SGSM2: variants seen among roughly 807,000 people sequenced by gnomAD.
SGSM2 encodes small G protein signaling modulator 2.
A neutral mutation model predicts 126.6 loss-of-function variants in SGSM2; 89 were observed. The observed-to-expected ratio is 0.70, with a 90% CI of 0.59 to 0.84. SGSM2 has a LOEUF of 0.84. Among genes scored for constraint, SGSM2 ranks in the 40% least tolerant of loss-of-function variants. SGSM2 has a pLI of 0.00. For missense variants in SGSM2, 1,404 were observed against 1,416.6 expected (o/e 0.99, Z 0.14); for synonymous variants, 614 against 574.3 (o/e 1.07, Z -0.99).
At chr17:2,345,209 T>A (rs1476927811) in intron 2 of SGSM2, among the ~76,000 whole-genome samples, 1 of 152,084 alleles carries the variant, frequency 6.6e-6, no homozygotes, top group African/African-American at 2.4e-5. Flanking sequence ...ACGCCTGTAA[T>A]CCCAGCACTT....
rs1464509984 is a variant in SGSM2, at chr17:2,379,792, TCTGGGAGTAGCCCCA to T, written c.*276_*290del. Reference sequence around the variant, plus strand: ...ACCTACTCTGCTCCCCTCTCACACATCTGGGAGTAGCCCCACTGCCACCTGCAGCCGCAGCCTGGA... The same window carrying T: ...ACCTACTCTGCTCCCCTCTCACACATCTGCCACCTGCAGCCGCAGCCTGGA... On this transcript the variant is annotated 3_prime_UTR_variant, in exon 24 of 24. Transcript: ENST00000268989. The T allele has an allele frequency of 1.5e-6, 2 of 1,347,464 alleles. No individual in the cohort carries two copies. The highest frequency in any genetic ancestry group is 1.9e-6 in the Non-Finnish European group (2 of 1,045,840). 83.5% of individuals were successfully genotyped at this position (1,347,464 alleles called of 1,614,324 possible).
intron 2 of SGSM2, among the ~76,000 whole-genome samples, chr17:2,360,792 G>A (rs895302136): frequency 5.9e-5 from 9 of 152,236 alleles, no homozygotes; most frequent in Admixed American, 3.3e-4. Flanking sequence ...ACACCTGGAC[G>A]TGGCAAAAGG....
chr17:2,373,210 C>A, intron 16 of SGSM2, 121 bp from the exon 17 acceptor site: 4 of 1,541,974 alleles, frequency 2.6e-6, no homozygotes, highest in Non-Finnish European at 3.5e-6. Flanking sequence ...CTCCACCGTC[C>A]TTACCCTGAG....
In SGSM2 at chr17:2,372,778, C is replaced by A; in HGVS notation, c.1789-175C>A. 1.1e-6 allele frequency: 1 copy of A among 903,180 alleles called. No homozygotes were observed. Among genetic ancestry groups the A allele is most frequent in the Non-Finnish European group, 1.6e-6 (1 of 608,082 alleles). 55.9% of individuals were successfully genotyped at this position (903,180 alleles called of 1,614,324 possible). On this transcript the variant is annotated intron_variant, in intron 15 of 23. Coordinates refer to ENST00000268989, the MANE Select transcript of SGSM2 (RefSeq NM_014853.3). This position sits in a 1 kb window ranked among gnomAD's most constrained non-coding sequence, Gnocchi z 6.0. ...AAGGAAGGAGAGCAGAACGAGATCTCATCCCACTGTGAGCTGGGGCACGGG... is the reference window on the plus strand; with the variant it reads ...AAGGAAGGAGAGCAGAACGAGATCTAATCCCACTGTGAGCTGGGGCACGGG...
Position 2,377,931 on chromosome 17 carries a change from G to C in SGSM2, c.2877G>C (p.Trp959Cys). ...CCCACTTCTACTTCTGTTATCGCTG[G>C]TTCCTGCTGGATTTTAAGAGAGGTA... is the stretch of plus-strand genomic sequence containing the variant. ...DYTHFYFCYR[W>C]FLLDFKRELL... The change falls in exon 22 of 24, where the codon TGG becomes TGC. Residue 959 changes from tryptophan (W) to cysteine (C), a missense_variant. Trp to Cys is a radical substitution (Grantham distance 215, BLOSUM62 -2). Coordinates refer to ENST00000268989, the MANE Select transcript of SGSM2 (RefSeq NM_014853.3). 6.2e-7 allele frequency: 1 copy of C among 1,611,982 alleles called. No homozygotes were observed. Among genetic ancestry groups the C allele is most frequent in the Non-Finnish European group, 8.5e-7 (1 of 1,178,164 alleles).
intron 2 of SGSM2, among the ~76,000 whole-genome samples, chr17:2,349,923 G>T (rs2064776734): frequency 6.6e-6 from 1 of 151,904 alleles, no homozygotes; most frequent in Non-Finnish European, 1.5e-5. Context: ...AAGTAGCTGG[G>T]ACTACAGGCG....
At chr17:2,349,605 T>C (rs1251968729) in intron 2 of SGSM2, among the ~76,000 whole-genome samples, 2 of 152,132 alleles carry the variant, frequency 1.3e-5, no homozygotes, top group Admixed American at 1.3e-4. Context: ...GAGATAAATA[T>C]ATATGATGTC....
intron 11 of SGSM2, among the ~76,000 whole-genome samples, chr17:2,365,827 A>G (rs1463712289): frequency 6.6e-6 from 1 of 150,694 alleles, no homozygotes; most frequent in Non-Finnish European, 1.5e-5. Flanking sequence ...GCTCACTGCA[A>G]CCTCTGCCCC....
intron 2 of SGSM2, among the ~76,000 whole-genome samples, chr17:2,358,553 T>A (rs1597344696): frequency 1.3e-5 from 2 of 151,954 alleles, no homozygotes; most frequent in Admixed American, 1.3e-4. Flanking sequence ...CTACAAAAAA[T>A]TTTTAAAAAT....
intron 2 of SGSM2, among the ~76,000 whole-genome samples, chr17:2,357,094 C>G (rs1321816489): frequency 6.6e-6 from 1 of 152,094 alleles, no homozygotes; most frequent in East Asian, 1.9e-4. Flanking sequence ...GGCTGCAGAA[C>G]TTGATGGCTT....
At chr17:2,365,425 A>T in intron 11 of SGSM2, 84 bp downstream of exon 11, 1 of 1,438,022 alleles carries the variant, frequency 7.0e-7, no homozygotes, top group Non-Finnish European at 9.2e-7. Context: ...GGAGGGCAGC[A>T]GGCAGGGCCC....
At position 2,372,479 on chromosome 17, in the gene SGSM2, G is replaced by A. The variant is rs1269870804; in HGVS notation, c.1779G>A (p.Lys593=). The A allele has an allele frequency of 6.3e-6, 10 of 1,598,832 alleles. No individual in the cohort carries two copies. The highest frequency in any genetic ancestry group is 8.5e-6 in the Non-Finnish European group (10 of 1,175,864). Residue 593 remains lysine (K), a synonymous_variant, in exon 15 of 24, where the codon AAG becomes AAA. Coordinates refer to ENST00000268989, the MANE Select transcript of SGSM2 (RefSeq NM_014853.3). The surrounding 1 kb of genome is among the most constrained non-coding windows in gnomAD (Gnocchi z 6.0). ...AGGACGTGTGGAGCAAGTATCAGAAGGACAAAAAGGTGCCAACCCTGGGGT... is the reference window on the plus strand; with the variant it reads ...AGGACGTGTGGAGCAAGTATCAGAAAGACAAAAAGGTGCCAACCCTGGGGT... The part of the protein sequence containing the change: ...LTKDVWSKYQ[K]DKKNYKELEL...
intron 21 of SGSM2, 200 bp downstream of exon 21, chr17:2,377,268 G>T (rs1477659961): frequency 1.9e-6 from 1 of 539,908 alleles, no homozygotes; most frequent in African/African-American, 1.9e-5. Context: ...GGCGGATCAC[G>T]AAGTCAGGAG....
intron 2 of SGSM2, among the ~76,000 whole-genome samples, chr17:2,346,518 C>T (rs770021133): frequency 3.3e-5 from 5 of 152,206 alleles, no homozygotes; most frequent in Admixed American, 6.5e-5. Context: ...TGTTACCCAA[C>T]GGGAGGGGCA....
Position 2,373,498 on chromosome 17 carries a change from C to T in SGSM2, c.2085C>T (p.Ser695=). The part of the protein sequence containing the change: ...SHVQRLIHRD[S]TISNDVFISV... Reference sequence around the variant, plus strand: ...TGCAGCGCCTCATCCACCGAGACTCCACCATCAGCAACGATGTGAGCCAGA... The same window carrying T: ...TGCAGCGCCTCATCCACCGAGACTCTACCATCAGCAACGATGTGAGCCAGA... The change falls in exon 17 of 24, where the codon TCC becomes TCT. Residue 695 remains serine, a synonymous_variant. Transcript: ENST00000268989. The T allele has an allele frequency of 6.2e-7, 1 of 1,603,424 alleles. No individual in the cohort carries two copies. The highest frequency in any genetic ancestry group is 8.5e-7 in the Non-Finnish European group (1 of 1,179,024).
In SGSM2 at chr17:2,375,885, T is replaced by G; in HGVS notation, c.2484+10T>G. ...TGCGGCTGCCTACACTGTGCGTACA[T>G]GCTCCCCAGGCTGTTCCCAGCCGCC... On this transcript the variant is annotated intron_variant, in intron 18 of 23. Coordinates refer to ENST00000268989, the MANE Select transcript of SGSM2 (RefSeq NM_014853.3). The G allele has an allele frequency of 1.3e-6, 2 of 1,511,882 alleles. No individual in the cohort carries two copies. The highest frequency in any genetic ancestry group is 1.3e-5 in the South Asian group (1 of 75,974). The allele number at this position is 1,511,882 out of a possible 1,614,324, so 93.7% of individuals were successfully genotyped here.
rs924509744 is a variant in SGSM2, at chr17:2,380,038, G to A, written c.*518G>A. The stretch of plus-strand genomic sequence containing the variant: ...TCTGGTTTAGGCACACGTCACGGGT[G>A]CGGGAGACCCGGGCACGGGAGACCC... On this transcript the variant is annotated 3_prime_UTR_variant, in exon 24 of 24. Coordinates refer to ENST00000268989, the MANE Select transcript of SGSM2 (RefSeq NM_014853.3). 1.4e-5 allele frequency: 20 copies of A among 1,408,952 alleles called. No individual in the cohort carries two copies. The African/African-American group carries it at 1.7e-4, about 12-fold the overall frequency. The allele number at this position is 1,408,952 out of a possible 1,614,324, so 87.3% of individuals were successfully genotyped here.
Position 2,362,721 on chromosome 17 carries a change from T to C in SGSM2, c.459-117T>C. 1.9e-6 allele frequency: 2 copies of C among 1,035,540 alleles called. No individual in the cohort carries two copies. The highest frequency in any genetic ancestry group is 2.9e-6 in the Non-Finnish European group (2 of 687,646). The allele number at this position is 1,035,540 out of a possible 1,614,324, so 64.1% of individuals were successfully genotyped here. ...CGAAGCCCAGTCCCTAAGGACTCAC[T>C]GTTTCTTGATGACTGATCTGAATCT... On this transcript the variant is annotated intron_variant, in intron 4 of 23. Transcript: ENST00000268989. The surrounding 1 kb of genome is among the most constrained non-coding windows in gnomAD (Gnocchi z 4.9).
rs767324324 is a variant in SGSM2, at chr17:2,380,330, G to A, written c.*810G>A. On this transcript the variant is annotated 3_prime_UTR_variant, in exon 24 of 24. Coordinates refer to ENST00000268989, the MANE Select transcript of SGSM2 (RefSeq NM_014853.3). ...CCAGTGGATGATCTGGAATGCGACC[G>A]GAGCACTTGCTCTGAGGAATCCCAG... The A allele has an allele frequency of 3.9e-6, 6 of 1,533,674 alleles. No individual in the cohort carries two copies. The highest frequency in any genetic ancestry group is 3.5e-6 in the Non-Finnish European group (4 of 1,144,958).
Sources: allele counts gnomAD v4.1 joint callset (sites outside exome capture counted in the v4.1 genomes callset), GRCh38; gene constraint gnomAD v4.1.1; non-coding constraint Gnocchi (gnomAD v3.1); transcripts MANE v1.5; gene names NCBI Gene and HGNC (gene_info 2026-07-23, HGNC 2026-07-21).